RARB: variants seen among roughly 807,000 people sequenced by gnomAD.
RARB encodes retinoic acid receptor beta.
Under a neutral mutation model 51.9 loss-of-function variants are expected in RARB, and 17 were observed. The observed-to-expected ratio is 0.33, with a 90% CI of 0.22 to 0.49. RARB has a LOEUF of 0.49. RARB is among the 20% of genes least tolerant of loss of function. The pLI, the probability that RARB is intolerant of heterozygous loss-of-function variation, is 0.99. For missense variants in RARB, 369 were observed against 550.8 expected, an observed-to-expected ratio of 0.67 and a Z score of 3.30; for synonymous variants, 215 against 195.4, an observed-to-expected ratio of 1.10 and a Z score of -0.84.
intron 1 of RARB, among the ~76,000 whole-genome samples, chr3:24,848,967 T>C (rs1159032561): frequency 6.6e-6 from 1 of 152,218 alleles, no homozygotes; most frequent in East Asian, 1.9e-4. Context: ...AATTTCATTG[T>C]CTTGCAACAT....
chr3:24,905,404 C>G (rs1175890986), intron 2 of RARB, among the ~76,000 whole-genome samples: 1 of 152,226 alleles, frequency 6.6e-6, no homozygotes, highest in Non-Finnish European at 1.5e-5. Context: ...CTTGACACAT[C>G]TGACCACATC....
chr3:24,887,591 T>G (rs1301017800), intron 2 of RARB, among the ~76,000 whole-genome samples: 1 of 152,240 alleles, frequency 6.6e-6, no homozygotes, highest in African/African-American at 2.4e-5. Context: ...GTTTTTACAC[T>G]TACTGTAATG....
At chr3:25,465,369 A>G (rs950791637) in intron 2 of RARB, among the ~76,000 whole-genome samples, 1 of 152,174 alleles carries the variant, frequency 6.6e-6, no homozygotes, top group African/African-American at 2.4e-5. Context: ...AAACTGGCCC[A>G]ACCATTGGCT....
intron 5 of RARB, among the ~76,000 whole-genome samples, chr3:25,401,192 C>T (rs921029571): frequency 3.9e-5 from 6 of 152,146 alleles, no homozygotes; most frequent in African/African-American, 1.2e-4. Context: ...TAGAGGACAA[C>T]ACCATAAGGG....
At chr3:25,479,878 T>C (rs1446683925) in intron 2 of RARB, among the ~76,000 whole-genome samples, 16 of 152,170 alleles carry the variant, frequency 1.1e-4, no homozygotes, top group Admixed American at 9.8e-4. Flanking sequence ...CTTGCTCCCA[T>C]GCATACATTA....
At chr3:25,405,990 C>G (rs919156858) in intron 5 of RARB, among the ~76,000 whole-genome samples, 14 of 152,106 alleles carry the variant, frequency 9.2e-5, no homozygotes, top group Non-Finnish European at 1.8e-4. Flanking sequence ...ATACTGTGGT[C>G]ACTATCCCGA....
At chr3:24,884,222 A>C (rs1703229611) in intron 2 of RARB, among the ~76,000 whole-genome samples, 2 of 152,208 alleles carry the variant, frequency 1.3e-5, no homozygotes, top group African/African-American at 4.8e-5. Context: ...TGTCCTGTGA[A>C]TACCACATAT....
At chr3:24,943,655 G>A (rs1459696744) in intron 2 of RARB, among the ~76,000 whole-genome samples, 1 of 152,130 alleles carries the variant, frequency 6.6e-6, no homozygotes, top group Admixed American at 6.6e-5. Context: ...GTCTTTATTT[G>A]TCTAACTATA....
intron 3 of RARB, among the ~76,000 whole-genome samples, chr3:25,083,629 G>T (rs1185664194): frequency 6.6e-6 from 1 of 151,932 alleles, no homozygotes; most frequent in East Asian, 1.9e-4. Context: ...TGTCATGTCT[G>T]GGTTTCTGTA....
intron 5 of RARB, among the ~76,000 whole-genome samples, chr3:25,207,110 T>A (rs1239109266): frequency 6.6e-6 from 1 of 152,218 alleles, no homozygotes; most frequent in African/African-American, 2.4e-5. Flanking sequence ...CTGGTCACAT[T>A]TTGAAGCTCA....
At position 25,596,434 on chromosome 3, in the gene RARB, A is replaced by G. The variant is rs764844273; in HGVS notation, c.1165A>G (p.Ile389Val). 6.8e-6 allele frequency: 11 copies of G among 1,611,776 alleles called. No individual in the cohort carries two copies. Among genetic ancestry groups the G allele is most frequent in the Non-Finnish European group, 9.3e-6 (11 of 1,178,040 alleles). Residue 389 changes from isoleucine to valine, a missense_variant, in exon 8 of 8, where the codon ATT becomes GTT. Transcript: ENST00000330688. ...SISAKGAERV[I>V]TLKMEIPGSM... ...CTTTTGAAAAGGTGCAGAGCGTGTA[A>G]TTACCTTGAAAATGGAAATTCCTGG...
rs114618268 is a variant in RARB, at chr3:24,997,005, T to A, written c.-379-63120T>A. On this transcript the variant is annotated intron_variant, in intron 2 of 11. Coordinates refer to the RARB transcript ENST00000383772. ...TATAATATAGTTTAAATCCAATGTT[T>A]CTTTGTTGTTTTTCTATCTACACGA... Among the ~76,000 whole-genome samples, 1,515 of 152,290 alleles carry A rather than the reference T, an allele frequency of 9.9e-3. 27 individuals carry two copies. Among genetic ancestry groups the A allele is most frequent in the African/African-American group, 0.035 (1,460 of 41,564 alleles).
chr3:24,988,757 T>A (rs891850841), intron 2 of RARB, among the ~76,000 whole-genome samples: 4 of 152,190 alleles, frequency 2.6e-5, no homozygotes, highest in Non-Finnish European at 5.9e-5. Context: ...TAGTGATCTG[T>A]TATGTGACAT....
At chr3:24,960,219 A>T (rs985217985) in intron 2 of RARB, among the ~76,000 whole-genome samples, 1 of 152,208 alleles carries the variant, frequency 6.6e-6, no homozygotes, top group African/African-American at 2.4e-5. Flanking sequence ...TTTTTAGGGC[A>T]CACATCTTTG....
chr3:24,957,996 A>T (rs1026951666), intron 2 of RARB, among the ~76,000 whole-genome samples: 1 of 152,172 alleles, frequency 6.6e-6, no homozygotes, highest in Admixed American at 6.5e-5. Flanking sequence ...GCATAATTTA[A>T]TTGTAAGTTG....
chr3:25,394,227 G>A (rs1707054106), intron 5 of RARB, among the ~76,000 whole-genome samples: 2 of 152,002 alleles, frequency 1.3e-5, no homozygotes, highest in Admixed American at 1.3e-4. Context: ...TTTTAGAGTT[G>A]ATTTCCAATT....
chr3:25,305,424 A>G (rs1302219325), intron 5 of RARB, among the ~76,000 whole-genome samples: 6 of 152,192 alleles, frequency 3.9e-5, no homozygotes, highest in African/African-American at 1.4e-4. Context: ...ATATAGTGAT[A>G]TACCACCCAA....
intron 5 of RARB, among the ~76,000 whole-genome samples, chr3:25,243,336 CA>C (rs1430195903): frequency 6.6e-6 from 1 of 152,098 alleles, no homozygotes; most frequent in Non-Finnish European, 1.5e-5. Context: ...CCAGAACTTT[CA>C]ATACTGTGTT....
At chr3:25,304,368 TG>T (rs1704109689) in intron 5 of RARB, among the ~76,000 whole-genome samples, 1 of 152,212 alleles carries the variant, frequency 6.6e-6, no homozygotes, top group Non-Finnish European at 1.5e-5. Flanking sequence ...CCCCTCCACT[TG>T]CTGATGATCC....
Sources: gnomAD v4.1 joint callset for allele counts (sites outside exome capture counted in the v4.1 genomes callset) on GRCh38, gnomAD v4.1.1 for gene constraint, MANE v1.5 for transcripts, NCBI Gene and HGNC (gene_info 2026-07-23, HGNC 2026-07-21) for gene names.